SHISA9: variants seen among roughly 807,000 people sequenced by gnomAD.
SHISA9 encodes protein shisa-9.
Under a neutral mutation model 38.0 loss-of-function variants are expected in SHISA9, and 13 were observed. The observed-to-expected ratio is 0.34, with a 90% CI of 0.22 to 0.54. SHISA9 has a LOEUF of 0.54. SHISA9 is among the 20% of genes least tolerant of loss of function. The pLI is 0.91. For synonymous variants in SHISA9, 275 were observed against 242.0 expected, an observed-to-expected ratio of 1.14 and a Z score of -1.27; for missense variants, 538 against 575.8, an observed-to-expected ratio of 0.93 and a Z score of 0.67.
intron 2 of SHISA9, among the ~76,000 whole-genome samples, chr16:13,035,447 A>G (rs147017567): frequency 6.6e-6 from 1 of 152,342 alleles, no homozygotes; most frequent in African/African-American, 2.4e-5. Context: ...GTTTGTCCAC[A>G]GAGCTCAATA....
intron 2 of SHISA9, among the ~76,000 whole-genome samples, chr16:12,926,253 C>T (rs1023939356): frequency 1.1e-4 from 17 of 151,986 alleles, no homozygotes; most frequent in Non-Finnish European, 2.4e-4. Flanking sequence ...CTATACTGGG[C>T]GATATACCAG....
chr16:13,161,966 T>C (rs1376655620), intron 2 of SHISA9, among the ~76,000 whole-genome samples: 1 of 152,240 alleles, frequency 6.6e-6, no homozygotes, highest in South Asian at 2.1e-4. Flanking sequence ...CTTATGGCTG[T>C]TCTTTTTTAG....
chr16:13,243,184 G>A (rs1035683796), downstream of SHISA9, among the ~76,000 whole-genome samples: 1 of 151,786 alleles, frequency 6.6e-6, no homozygotes, highest in Non-Finnish European at 1.5e-5. Flanking sequence ...AGTTTGCAGT[G>A]AGCCGAGATC....
At chr16:13,010,561 A>G (rs1404486705) in intron 2 of SHISA9, among the ~76,000 whole-genome samples, 1 of 152,238 alleles carries the variant, frequency 6.6e-6, no homozygotes, top group African/African-American at 2.4e-5. Context: ...AATCAGCAGC[A>G]TTATAGGTCT....
chr16:13,106,966 T>TTCTCTCTCTCTCTCTC (rs56109043), intron 2 of SHISA9, among the ~76,000 whole-genome samples: 7 of 145,318 alleles, frequency 4.8e-5, no homozygotes, highest in African/African-American at 1.5e-4. Context: ...CTTTCTCACG[T>TTCTCTCTCTCTCTCTC]TCTCTCTCTC....
At chr16:13,292,337 G>A in the SHISA9 span, among the ~76,000 whole-genome samples, 2 of 152,002 alleles carry the variant, frequency 1.3e-5, no homozygotes, top group African/African-American at 4.8e-5. Context: ...AGAGGAGTTG[G>A]ATATTCCTGT....
At chr16:13,536,477 T>A in the SHISA9 span, among the ~76,000 whole-genome samples, 5 of 152,232 alleles carry the variant, frequency 3.3e-5, no homozygotes, top group Admixed American at 2.6e-4. Flanking sequence ...CAGAACATTG[T>A]AGACTCTCAG....
chr16:13,451,978 A>C, the SHISA9 span, among the ~76,000 whole-genome samples: 2 of 152,176 alleles, frequency 1.3e-5, no homozygotes, highest in East Asian at 3.9e-4. Flanking sequence ...TTTTGCAAAG[A>C]AGTATGTCAG....
Position 12,902,563 on chromosome 16 carries a change from G to A in SHISA9, c.499G>A (p.Val167Met). 1 of 1,551,280 alleles carries A rather than the reference G, an allele frequency of 6.4e-7. No homozygotes were observed. Among genetic ancestry groups the A allele is most frequent in the East Asian group, 2.4e-5 (1 of 40,882 alleles). Residue 167 changes from valine to methionine, a missense_variant, in exon 1 of 5, where the codon GTG (valine) becomes ATG (methionine). Physicochemically the swap from Val to Met is conservative, Grantham distance 21 (BLOSUM62 1). Around this residue, in one of 4 missense-constraint regions of SHISA9, gnomAD observed 88 missense variants for 109.7 expected, o/e 0.80. Transcript: ENST00000558583. ...CGGGGTGGTGGCCGTCATGGTGCTC[G>A]TGGGCATCTTCACCAAGCTGGGGCT... ...ICGVVAVMVL[V>M]GIFTKLGLEK...
At chr16:12,977,805 T>C (rs1428714250) in intron 2 of SHISA9, among the ~76,000 whole-genome samples, 2 of 151,224 alleles carry the variant, frequency 1.3e-5, no homozygotes, top group African/African-American at 4.9e-5. Flanking sequence ...CAACACACAC[T>C]GAGGCCTATT....
At chr16:13,170,535 T>G (rs2050676888) in intron 2 of SHISA9, among the ~76,000 whole-genome samples, 1 of 152,228 alleles carries the variant, frequency 6.6e-6, no homozygotes, top group Non-Finnish European at 1.5e-5. Flanking sequence ...TAATGGACAC[T>G]GGGCTTAATA....
chr16:13,550,142 G>C, the SHISA9 span, among the ~76,000 whole-genome samples: 303 of 152,128 alleles, frequency 2.0e-3, 2 homozygotes, highest in African/African-American at 7.0e-3. Context: ...CAAAGCCCCC[G>C]AGGCAGGAGA....
intron 2 of SHISA9, among the ~76,000 whole-genome samples, chr16:12,992,844 T>C (rs943952276): frequency 4.6e-5 from 7 of 152,342 alleles, no homozygotes; most frequent in African/African-American, 1.7e-4. Flanking sequence ...TACCATGTAC[T>C]AGGCCATGAC....
At chr16:13,021,743 C>G (rs2072857011) in intron 2 of SHISA9, among the ~76,000 whole-genome samples, 1 of 152,146 alleles carries the variant, frequency 6.6e-6, no homozygotes, top group Non-Finnish European at 1.5e-5. Context: ...TTCTGAGTTT[C>G]TAGAATACCC....
intron 4 of SHISA9, among the ~76,000 whole-genome samples, chr16:13,232,623 A>G (rs2051342483): frequency 6.6e-6 from 1 of 152,222 alleles, no homozygotes; most frequent in East Asian, 1.9e-4. Flanking sequence ...TTAGGGAGGT[A>G]TGAGACATCA....
At chr16:13,296,171 C>T in the SHISA9 span, among the ~76,000 whole-genome samples, 1 of 151,632 alleles carries the variant, frequency 6.6e-6, no homozygotes, top group African/African-American at 2.4e-5. Context: ...ACTATCAACC[C>T]CACCTCTTCT....
chr16:13,151,771 A>G (rs1031612745), intron 2 of SHISA9, among the ~76,000 whole-genome samples: 2 of 152,196 alleles, frequency 1.3e-5, no homozygotes, highest in Non-Finnish European at 2.9e-5. Flanking sequence ...CCCACTTAAT[A>G]GCTTTTATTA....
chr16:13,119,763 C>G (rs1030211442), intron 2 of SHISA9, among the ~76,000 whole-genome samples: 7 of 152,154 alleles, frequency 4.6e-5, no homozygotes, highest in South Asian at 2.1e-4. Context: ...ATGGATCTTA[C>G]GTTTAGCTCA....
intron 2 of SHISA9, among the ~76,000 whole-genome samples, chr16:13,068,898 A>C (rs2073467840): frequency 6.6e-6 from 1 of 151,356 alleles, no homozygotes; most frequent in South Asian, 2.1e-4. Flanking sequence ...TGTACATGGA[A>C]TGTGTATGTG....
Sources: allele counts gnomAD v4.1 joint callset (sites outside exome capture counted in the v4.1 genomes callset), GRCh38; gene constraint gnomAD v4.1.1; regional missense constraint gnomAD v4.1.1; transcripts MANE v1.5; gene names NCBI Gene and HGNC (gene_info 2026-07-23, HGNC 2026-07-21).